Variants in FLNB observed in about 807,000 individuals in gnomAD.
The protein encoded by FLNB is filamin-B.
Under a neutral mutation model 250.6 loss-of-function variants are expected in FLNB, and 111 were observed. The ratio of observed to expected loss-of-function variants is 0.44; its 90% CI spans 0.38 to 0.52. FLNB has a LOEUF of 0.52. FLNB is among the 20% of genes least tolerant of loss of function. The probability of loss-of-function intolerance (pLI) is 0.00; values close to 1 mark genes in which losing one functional copy is unlikely to be tolerated. For missense variants in FLNB, 2,869 were observed against 3,447.8 expected, an observed-to-expected ratio of 0.83 and a Z score of 4.20; for synonymous variants, 1,302 against 1,372.1, an observed-to-expected ratio of 0.95 and a Z score of 1.13.
chr3:58,029,340 G>A (rs1244306753), intron 1 of FLNB, among the ~76,000 whole-genome samples: 1 of 151,994 alleles, frequency 6.6e-6, no homozygotes, highest in Non-Finnish European at 1.5e-5. Context: ...CCAGAATTAG[G>A]CCTCTAAAAA....
chr3:58,143,346 T>G, intron 31 of FLNB, 127 bp from the exon 32 acceptor site: 1 of 976,768 alleles, frequency 1.0e-6, no homozygotes, highest in South Asian at 1.4e-5. Context: ...GACTTGAATG[T>G]TTTAGGCAGC....
intron 1 of FLNB, among the ~76,000 whole-genome samples, chr3:58,074,984 A>T (rs2097199687): frequency 6.6e-6 from 1 of 152,014 alleles, no homozygotes; most frequent in South Asian, 2.1e-4. Flanking sequence ...AATTCTGATG[A>T]TTTCTCTCTG....
Position 58,104,067 on chromosome 3 carries a change from G to A in FLNB, c.1592G>A (p.Gly531Glu), listed in dbSNP as rs1559695165. The change falls in exon 10 of 46, where the codon GGA becomes GAA. Residue 531 changes from glycine (G) to glutamate (E), a missense_variant. This residue lies in a region of FLNB where 1,348 missense variants were observed against 1,466.7 expected (regional missense o/e 0.92). Transcript: ENST00000295956. ...TACAGCATTGCCATCACATGGGGGG[G>A]ACACCACATTCCAAAGAGGTGAGGC... ...GRYSIAITWG[G>E]HHIPKSPFEV... 1.9e-6 allele frequency: 3 copies of A among 1,613,898 alleles called. No individual in the cohort carries two copies. Among genetic ancestry groups the A allele is most frequent in the Non-Finnish European group, 2.5e-6 (3 of 1,180,004 alleles).
At chr3:58,143,667 A>C in intron 32 of FLNB, 54 bp downstream of exon 32, 2 of 1,608,602 alleles carry the variant, frequency 1.2e-6, no homozygotes, top group Middle Eastern at 2.0e-4. Context: ...GCATCCGGGC[A>C]GCCTGCAGAC....
chr3:58,132,090 CT>C, intron 25 of FLNB: 1 of 999,592 alleles, frequency 1.0e-6, no homozygotes, highest in Middle Eastern at 2.0e-4. Flanking sequence ...TCTAAAATTG[CT>C]TACACCTGCC....
chr3:58,112,343 C>A, intron 18 of FLNB, 25 bp downstream of exon 18: 1 of 1,610,630 alleles, frequency 6.2e-7, no homozygotes, highest in Non-Finnish European at 8.5e-7. Context: ...CCCTCTGCTC[C>A]CCTGGCCCCC....
At chr3:58,130,673 T>G in intron 24 of FLNB, 68 bp from the exon 25 acceptor site, 1 of 1,538,168 alleles carries the variant, frequency 6.5e-7, no homozygotes, top group Non-Finnish European at 8.9e-7. Flanking sequence ...AGCAGTGCTA[T>G]TCTGGGTGTG....
chr3:58,094,814 T>C (rs2097235265), intron 4 of FLNB, 22 bp from the exon 5 acceptor site: 1 of 1,600,660 alleles, frequency 6.2e-7, no homozygotes, highest in Admixed American at 1.7e-5. Flanking sequence ...GCTTCTAACA[T>C]GTCTGTGTAA....
chr3:58,059,353 A>G (rs1186389548), intron 1 of FLNB, among the ~76,000 whole-genome samples: 2 of 152,220 alleles, frequency 1.3e-5, no homozygotes, highest in Non-Finnish European at 2.9e-5. Flanking sequence ...ACTTTAGTAA[A>G]TAGGCCAGGT....
At chr3:58,098,043 C>T (rs1576712709) in intron 7 of FLNB, 66 bp downstream of exon 7, 8 of 1,548,604 alleles carry the variant, frequency 5.2e-6, no homozygotes, top group East Asian at 2.2e-5. Flanking sequence ...ATATAATCCT[C>T]GGGGACTTGA....
Position 58,074,343 on chromosome 3 carries a change from C to G in FLNB, c.293-2703C>G, listed in dbSNP as rs569799292. Among the ~76,000 whole-genome samples, 4 of 152,318 alleles carry G rather than the reference C, an allele frequency of 2.6e-5. No homozygotes were observed. The East Asian group carries it at 7.7e-4, about 29-fold the overall frequency. Reference sequence around the variant, plus strand: ...TGAGAACCACTGGTCTAGAGGCAGGCAGGTCTTGCTCCCCTAGGAGTTAAG... The same window carrying G: ...TGAGAACCACTGGTCTAGAGGCAGGGAGGTCTTGCTCCCCTAGGAGTTAAG... On this transcript the variant is annotated intron_variant, in intron 1 of 45. Transcript: ENST00000295956.
Position 58,109,268 on chromosome 3 carries a change from G to T in FLNB, c.2145G>T (p.Lys715Asn). The change falls in exon 14 of 46, where the codon AAG becomes AAT. Residue 715 changes from lysine (K) to asparagine (N), a missense_variant. This residue lies in a region of FLNB where 1,348 missense variants were observed against 1,466.7 expected (regional missense o/e 0.92). Coordinates refer to ENST00000295956, the MANE Select transcript of FLNB (RefSeq NM_001457.4). ...ACSYTPVKAI[K>N]HTIAVVWGGV... ...CATACACCCCGGTGAAGGCCATCAA[G>T]CACACCATTGCTGTGGTCTGGGGAG... The T allele has an allele frequency of 6.2e-7, 1 of 1,614,230 alleles. No individual in the cohort carries two copies. Among genetic ancestry groups the T allele is most frequent in the Non-Finnish European group, 8.5e-7 (1 of 1,180,042 alleles).
Position 58,109,712 on chromosome 3 carries a change from T to G in FLNB, c.2323+13T>G, listed in dbSNP as rs1338192839. 6.2e-7 allele frequency: 1 copy of G among 1,614,116 alleles called. No homozygotes were observed. The highest frequency in any genetic ancestry group is 2.2e-5 in the East Asian group (1 of 44,880). ...GAGGCTGGGGAAGGTGAGAAAGGGC[T>G]TTGTTCAACCCAGTGATCATTGCTC... On this transcript the variant is annotated intron_variant, in intron 15 of 45. Coordinates refer to ENST00000295956, the MANE Select transcript of FLNB (RefSeq NM_001457.4).
At chr3:58,034,283 G>A (rs186639965) in intron 1 of FLNB, among the ~76,000 whole-genome samples, 5 of 152,282 alleles carry the variant, frequency 3.3e-5, no homozygotes, top group African/African-American at 1.2e-4. Flanking sequence ...AACTGTTCAA[G>A]AAACTGCCAA....
intron 1 of FLNB, among the ~76,000 whole-genome samples, chr3:58,020,926 C>T (rs1436798447): frequency 3.3e-5 from 5 of 151,878 alleles, no homozygotes; most frequent in Non-Finnish European, 5.9e-5. Context: ...TGCTACCTTC[C>T]GCCTGTGCTG....
At chr3:58,076,345 C>T (rs1463446487) in intron 1 of FLNB, among the ~76,000 whole-genome samples, 1 of 152,224 alleles carries the variant, frequency 6.6e-6, no homozygotes, top group Non-Finnish European at 1.5e-5. Flanking sequence ...TACACATACA[C>T]ACGTGCACAC....
chr3:58,078,826 T>A lies in FLNB; in HGVS notation c.639+12T>A, dbSNP rs1299259189. The A allele has an allele frequency of 6.2e-7, 1 of 1,605,048 alleles. No individual in the cohort carries two copies. The highest frequency in any genetic ancestry group is 8.5e-7 in the Non-Finnish European group (1 of 1,173,894). On this transcript the variant is annotated intron_variant, in intron 3 of 45. Coordinates refer to ENST00000295956, the MANE Select transcript of FLNB (RefSeq NM_001457.4). ...TGGGTGTCCCACAGGTATGCACAAG[T>A]GTGCCAGGTCCTGTGAGGCTGCCCC...
chr3:58,077,290 TC>T lies in FLNB; in HGVS notation c.539del (p.Pro180GlnfsTer52). The T allele has an allele frequency of 1.9e-6, 3 of 1,613,956 alleles. No homozygotes were observed. The highest frequency in any genetic ancestry group is 2.5e-6 in the Non-Finnish European group (3 of 1,179,918). On this transcript the variant is annotated frameshift_variant, in exon 2 of 46. Coordinates refer to ENST00000295956, the MANE Select transcript of FLNB (RefSeq NM_001457.4). LOFTEE classifies it high-confidence loss of function. ...ALGALVDSCA[P>X]GLCPDWESWD... Reference sequence around the variant, plus strand: ...TGGGAGCCCTGGTAGACAGCTGTGCTCCAGGTAAGTGGCCAGGGCTGCCTAA... The same window carrying T: ...TGGGAGCCCTGGTAGACAGCTGTGCTCAGGTAAGTGGCCAGGGCTGCCTAA...
At chr3:58,034,401 T>A (rs1014116507) in intron 1 of FLNB, among the ~76,000 whole-genome samples, 98 of 128,520 alleles carry the variant, frequency 7.6e-4, no homozygotes, top group Admixed American at 4.6e-3. Context: ...TTAAAGACAA[T>A]TTTTTTTTTT....
Sources: allele counts gnomAD v4.1 joint callset (sites outside exome capture counted in the v4.1 genomes callset), GRCh38; gene constraint gnomAD v4.1.1; regional missense constraint gnomAD v4.1.1; transcripts MANE v1.5; gene names NCBI Gene and HGNC (gene_info 2026-07-23, HGNC 2026-07-21).